The following SH2D4B variants were observed in gnomAD, a reference collection of about 807,000 sequenced individuals.
SH2D4B encodes the protein SH2 domain containing 4B, also known as SH2 domain-containing protein 4B.
In SH2D4B, 45 loss-of-function variants were observed where a neutral mutation model predicts 61.5. The observed-to-expected ratio is 0.73, with a 90% confidence interval of 0.58 to 0.94. The LOEUF is 0.94. Among genes scored for constraint, SH2D4B ranks in the 40% least tolerant of loss-of-function variants. The pLI is 0.00. For synonymous variants in SH2D4B, 224 were observed against 220.4 expected (o/e 1.02, Z -0.14); for missense variants, 572 against 574.2 (o/e 1.00, Z 0.04).
At chr10:80,601,935 G>A (rs1842455330) in intron 4 of SH2D4B, among the ~76,000 whole-genome samples, 1 of 152,196 alleles carries the variant, frequency 6.6e-6, no homozygotes, top group Non-Finnish European at 1.5e-5. Context: ...AGAAGAACAA[G>A]GCCAGCAAGA....
chr10:80,629,753 T>C (rs951784934), intron 6 of SH2D4B, among the ~76,000 whole-genome samples: 1 of 152,220 alleles, frequency 6.6e-6, no homozygotes, highest in African/African-American at 2.4e-5. Context: ...CATTAACTTA[T>C]TCATTCTCAA....
intron 1 of SH2D4B, among the ~76,000 whole-genome samples, chr10:80,552,162 A>G (rs1841769893): frequency 3.3e-5 from 5 of 152,346 alleles, no homozygotes; most frequent in Admixed American, 3.3e-4. Context: ...TTGCAGGGGT[A>G]CACAAACATT....
chr10:80,571,528 G>T lies in SH2D4B; in HGVS notation c.445G>T (p.Asp149Tyr). ...LAEKWKVEME[D>Y]RKAAKVLEER... ...GGAGAAGTGGAAAGTGGAGATGGAA[G>T]ACCGCAAGGCTGCCAAAGTCCTGGA... Residue 149 changes from aspartate to tyrosine, a missense_variant, in exon 3 of 8, where the codon GAC (aspartate) becomes TAC (tyrosine). Coordinates refer to ENST00000646907, the MANE Select transcript of SH2D4B (RefSeq NM_001388272.1). 6.2e-7 allele frequency: 1 copy of T among 1,614,108 alleles called. No homozygotes were observed. The highest frequency in any genetic ancestry group is 1.1e-5 in the South Asian group (1 of 91,074).
intron 1 of SH2D4B, among the ~76,000 whole-genome samples, chr10:80,547,932 C>T (rs1279366142): frequency 1.3e-5 from 2 of 152,094 alleles, no homozygotes. Context: ...TGAAGGGGAG[C>T]CCCAAAATCA....
intron 4 of SH2D4B, among the ~76,000 whole-genome samples, chr10:80,599,029 G>C (rs1038352334): frequency 5.9e-5 from 9 of 152,270 alleles, no homozygotes; most frequent in African/African-American, 2.2e-4. Context: ...CTGCACACTG[G>C]TTGTCTCACT....
At chr10:80,555,731 G>A (rs999363654) in intron 1 of SH2D4B, among the ~76,000 whole-genome samples, 2 of 152,184 alleles carry the variant, frequency 1.3e-5, no homozygotes, top group Admixed American at 6.5e-5. Flanking sequence ...TGAAAGTCCT[G>A]CATCTGAGGA....
intron 7 of SH2D4B, among the ~76,000 whole-genome samples, chr10:80,638,508 G>C (rs1840229904): frequency 6.6e-6 from 1 of 152,164 alleles, no homozygotes; most frequent in African/African-American, 2.4e-5. Context: ...TCCTGGTTTA[G>C]TCTTGGGAGG....
At chr10:80,593,594 T>C (rs1842356121) in intron 4 of SH2D4B, among the ~76,000 whole-genome samples, 1 of 152,226 alleles carries the variant, frequency 6.6e-6, no homozygotes, top group Admixed American at 6.5e-5. Context: ...AATGTATCTT[T>C]TTGTGTATTC....
At chr10:80,636,260 G>A (rs530536939) in intron 7 of SH2D4B, among the ~76,000 whole-genome samples, 12 of 152,220 alleles carry the variant, frequency 7.9e-5, no homozygotes, top group South Asian at 6.2e-4. Flanking sequence ...ATAAACATAC[G>A]TGTGCATGTG....
intron 5 of SH2D4B, 129 bp from the exon 6 acceptor site, chr10:80,609,295 T>TTCACCCCC: frequency 2.3e-6 from 2 of 855,756 alleles, no homozygotes; most frequent in Admixed American, 2.8e-5. Context: ...TGCCCCTTCT[T>TTCACCCCC]CCACCCCCCC....
chr10:80,641,613 T>C (rs1302702683), intron 7 of SH2D4B, among the ~76,000 whole-genome samples: 1 of 152,250 alleles, frequency 6.6e-6, no homozygotes, highest in East Asian at 1.9e-4. Flanking sequence ...CTAAAGAATG[T>C]ACTTTTTCCA....
intron 6 of SH2D4B, among the ~76,000 whole-genome samples, chr10:80,621,739 G>A (rs951327775): frequency 2.2e-4 from 34 of 152,212 alleles, no homozygotes; most frequent in African/African-American, 7.5e-4. Context: ...CTGGTGGAAG[G>A]CTGGTCTGAT....
chr10:80,620,094 C>T (rs889532999), intron 6 of SH2D4B, among the ~76,000 whole-genome samples: 50 of 152,332 alleles, frequency 3.3e-4, no homozygotes, highest in African/African-American at 1.2e-3. Context: ...CTTGCCCACA[C>T]GTTCTCCAGG....
intron 1 of SH2D4B, among the ~76,000 whole-genome samples, chr10:80,553,459 T>A (rs1295286364): frequency 6.6e-6 from 1 of 152,236 alleles, no homozygotes; most frequent in African/African-American, 2.4e-5. Flanking sequence ...GCTGTGTCTC[T>A]GTATTGAACA....
chr10:80,627,254 A>G (rs1178485443), intron 6 of SH2D4B, among the ~76,000 whole-genome samples: 2 of 152,200 alleles, frequency 1.3e-5, no homozygotes, highest in African/African-American at 4.8e-5. Context: ...GTAATCCTTC[A>G]ATCCATTTTC....
intron 2 of SH2D4B, among the ~76,000 whole-genome samples, chr10:80,570,906 ACT>A (rs758421817): frequency 6.6e-5 from 10 of 152,024 alleles, no homozygotes; most frequent in Non-Finnish European, 1.3e-4. Flanking sequence ...ACAGGGTCTC[ACT>A]CTGTTTCCCA....
intron 5 of SH2D4B, 110 bp from the exon 6 acceptor site, chr10:80,609,314 C>A: frequency 2.0e-6 from 2 of 978,338 alleles, no homozygotes; most frequent in Non-Finnish European, 2.8e-6. Context: ...CCTTCCTCCT[C>A]CTCCTTTTAC....
intron 3 of SH2D4B, among the ~76,000 whole-genome samples, chr10:80,587,965 C>G (rs947593067): frequency 7.2e-5 from 11 of 152,166 alleles, no homozygotes; most frequent in Admixed American, 6.5e-4. Context: ...GGCATTCCAC[C>G]TGTTTCAACC....
At chr10:80,610,777 C>T (rs151089802) in intron 6 of SH2D4B, among the ~76,000 whole-genome samples, 57 of 152,284 alleles carry the variant, frequency 3.7e-4, no homozygotes, top group African/African-American at 1.3e-3. Context: ...CAGTGACCCC[C>T]ACCAGTCAAG....
Sources: gnomAD v4.1 joint callset for allele counts (sites outside exome capture counted in the v4.1 genomes callset) on GRCh38, gnomAD v4.1.1 for gene constraint, MANE v1.5 for transcripts, NCBI Gene and HGNC (gene_info 2026-07-23, HGNC 2026-07-21) for gene names.